LIFR: variants seen among roughly 807,000 people sequenced by gnomAD.
LIFR encodes LIF receptor subunit alpha.
LIFR carries 84 observed loss-of-function variants against 122.2 expected under a neutral mutation model. The observed-to-expected ratio is 0.69, with a 90% CI of 0.58 to 0.82. The LOEUF is 0.82. Ranked by LOEUF, LIFR falls within the 40% of genes least tolerant of loss-of-function variation. LIFR has a pLI of 0.00. For synonymous variants in LIFR, 422 were observed against 434.7 expected (o/e 0.97, Z 0.36); for missense variants, 1,294 against 1,311.6 (o/e 0.99, Z 0.21).
chr5:38,535,852 C>A (rs574841042), intron 1 of LIFR, among the ~76,000 whole-genome samples: 1 of 152,292 alleles, frequency 6.6e-6, no homozygotes, highest in Non-Finnish European at 1.5e-5. Context: ...ACACTAGGAA[C>A]CCAAGTTAAA....
chr5:38,546,050 T>C (rs1465025729), intron 1 of LIFR, among the ~76,000 whole-genome samples: 1 of 152,134 alleles, frequency 6.6e-6, no homozygotes, highest in Non-Finnish European at 1.5e-5. Flanking sequence ...AATAAACCAA[T>C]TTTAAGGGAA....
Position 38,517,848 on chromosome 5 carries a change from C to T in LIFR, c.561+5571G>A, listed in dbSNP as rs1377880333. 1.5e-4 allele frequency among the ~76,000 whole-genome samples: 5 copies of T among 33,364 alleles called. No homozygotes were observed. The East Asian group carries it at 7.8e-3, about 52-fold the overall frequency. 21.9% of individuals were successfully genotyped at this position (33,364 alleles called of 152,430 possible). A position where few individuals can be genotyped will look rare whatever the true frequency, so the allele number is the denominator to read the frequency against. On this transcript the variant is annotated intron_variant, in intron 5 of 19. Coordinates refer to ENST00000453190, the MANE Select transcript of LIFR (RefSeq NM_001127671.2). Reference sequence around the variant, plus strand: ...CTCCAGCATGTGCAACAGAGCAAGACACTGTCTCAAAAAAAAAAAAAAAAA... The same window carrying T: ...CTCCAGCATGTGCAACAGAGCAAGATACTGTCTCAAAAAAAAAAAAAAAAA...
intron 1 of LIFR, among the ~76,000 whole-genome samples, chr5:38,592,053 A>C (rs73749292): frequency 0.047 from 7,077 of 152,156 alleles, 547 homozygotes; most frequent in African/African-American, 0.16. Context: ...ACTCCACTCC[A>C]TGCTGACTCT....
chr5:38,580,258 G>A lies in LIFR; in HGVS notation c.-20+15003C>T, dbSNP rs1186566956. Among the ~76,000 whole-genome samples, 13 of 152,162 alleles carry A rather than the reference G, an allele frequency of 8.5e-5. No individual in the cohort carries two copies. In the East Asian group the frequency reaches 2.1e-3, roughly 25 times the overall value. ...TGATTTATGCTGCTGTGGAAGTGGA[G>A]GTTCTTGTTTCTCAAAGTCACTATG... On this transcript the variant is annotated intron_variant, in intron 1 of 19. Transcript: ENST00000263409.
intron 1 of LIFR, among the ~76,000 whole-genome samples, chr5:38,543,725 C>G (rs1747717260): frequency 6.6e-6 from 1 of 152,130 alleles, no homozygotes; most frequent in African/African-American, 2.4e-5. Context: ...TGCATTCCAG[C>G]CCACTTCTCT....
upstream of LIFR, among the ~76,000 whole-genome samples, chr5:38,560,105 A>G (rs1363054684): frequency 6.6e-6 from 1 of 152,092 alleles, no homozygotes; most frequent in Non-Finnish European, 1.5e-5. Context: ...TGTGTGATCT[A>G]ATATATATAG....
At chr5:38,597,874 G>T (rs192948782), upstream of LIFR, among the ~76,000 whole-genome samples, 108 of 152,288 alleles carry the variant, frequency 7.1e-4, no homozygotes, top group African/African-American at 2.4e-3. Flanking sequence ...GAGTGGGGGT[G>T]CATGGAGCAA....
chr5:38,600,230 T>C (rs903455589), upstream of LIFR, among the ~76,000 whole-genome samples: 3 of 152,206 alleles, frequency 2.0e-5, no homozygotes, highest in African/African-American at 7.2e-5. Flanking sequence ...ATGTGTTTGA[T>C]TGATGTTTCA....
intron 1 of LIFR, among the ~76,000 whole-genome samples, chr5:38,553,135 T>C (rs1049038965): frequency 3.3e-5 from 5 of 152,174 alleles, no homozygotes; most frequent in African/African-American, 1.2e-4. Context: ...CCTCTGTCCC[T>C]CAGGTATGCA....
Position 38,510,714 on chromosome 5 carries a change from T to G in LIFR, c.741A>C (p.Ile247=). The G allele has an allele frequency of 6.2e-7, 1 of 1,609,528 alleles. No homozygotes were observed. Among genetic ancestry groups the G allele is most frequent in the Non-Finnish European group, 8.5e-7 (1 of 1,176,256 alleles). Residue 247 remains isoleucine (I), a synonymous_variant, in exon 7 of 20, where the codon ATA becomes ATC. Coordinates refer to ENST00000453190, the MANE Select transcript of LIFR (RefSeq NM_001127671.2). ...GAAAAACCTTAGTCTGAGAATCAGG[T>G]ATCCCTAGAAAGAAAAAGAGGAATT... ...DWSPVKNISW[I]PDSQTKVFPQ...
Position 38,510,431 on chromosome 5 carries a change from A to G in LIFR, c.991+33T>C, listed in dbSNP as rs374238014. The G allele has an allele frequency of 5.0e-6, 8 of 1,605,532 alleles. No homozygotes were observed. In the African/African-American group the frequency reaches 9.4e-5, roughly 19 times the overall value. On this transcript the variant is annotated intron_variant, in intron 7 of 19. Coordinates refer to ENST00000453190, the MANE Select transcript of LIFR (RefSeq NM_001127671.2). ...TTTCAAGGAAGACCAAAACAGGTTA[A>G]TAGGAATTCTCTCTTTAAAATCATA... is the stretch of plus-strand genomic sequence containing the variant.
Position 38,511,881 on chromosome 5 carries a change from A to AATGG in LIFR, c.641_644dup (p.Phe217SerfsTer6). 1 of 1,614,150 alleles carries AATGG rather than the reference A, an allele frequency of 6.2e-7. No homozygotes were observed. ...TGTAGCATCTAATTTCCACAAAATG[A>AATGG]ATGGCACATTCCAAGGGCATATCTG... On this transcript the variant is annotated frameshift_variant, in exon 6 of 20. Transcript: ENST00000453190. LOFTEE classifies it high-confidence loss of function.
chr5:38,507,138 T>C (rs1474856195), intron 7 of LIFR, among the ~76,000 whole-genome samples: 1 of 152,186 alleles, frequency 6.6e-6, no homozygotes, highest in Non-Finnish European at 1.5e-5. Context: ...AAATTCTGCA[T>C]CTCAGTATAT....
intron 1 of LIFR, among the ~76,000 whole-genome samples, chr5:38,589,312 G>GT (rs1158657542): frequency 6.6e-6 from 1 of 151,844 alleles, no homozygotes. Context: ...CTTTCCCCAT[G>GT]TTTTTTTACA....
intron 2 of LIFR, among the ~76,000 whole-genome samples, chr5:38,601,997 G>A (rs1027286303): frequency 6.6e-6 from 1 of 152,080 alleles, no homozygotes; most frequent in Non-Finnish European, 1.5e-5. Context: ...ACCTTTCTCC[G>A]TGTGTGAGTC....
intron 1 of LIFR, among the ~76,000 whole-genome samples, chr5:38,577,952 G>A (rs538306686): frequency 6.6e-6 from 1 of 152,250 alleles, no homozygotes; most frequent in South Asian, 2.1e-4. Context: ...ATTCCAAGGA[G>A]GACCCTCCAT....
intron 11 of LIFR, among the ~76,000 whole-genome samples, chr5:38,500,075 A>AC (rs1380028295): frequency 6.6e-6 from 1 of 150,710 alleles, no homozygotes; most frequent in Non-Finnish European, 1.5e-5. Flanking sequence ...CATTCCCTTC[A>AC]CCCCCTCCTT....
chr5:38,479,626 A>C lies in LIFR; in HGVS notation c.*1969T>G, dbSNP rs1451007859. 1 of 230,338 alleles carries C rather than the reference A, an allele frequency of 4.3e-6. No individual in the cohort carries two copies. Among genetic ancestry groups the C allele is most frequent in the Non-Finnish European group, 8.6e-6 (1 of 116,324 alleles). 14.3% of individuals were successfully genotyped at this position (230,338 alleles called of 1,614,324 possible). On this transcript the variant is annotated 3_prime_UTR_variant, in exon 20 of 20. Coordinates refer to ENST00000453190, the MANE Select transcript of LIFR (RefSeq NM_001127671.2). Reference sequence around the variant, plus strand: ...CCACACTTATCCTTGTCCTGGAGAGATAAAGTACGGGATTGATACATTTCA... The same window carrying C: ...CCACACTTATCCTTGTCCTGGAGAGCTAAAGTACGGGATTGATACATTTCA...
intron 2 of LIFR, among the ~76,000 whole-genome samples, chr5:38,529,827 T>C (rs1188143453): frequency 1.3e-5 from 2 of 152,152 alleles, no homozygotes; most frequent in Non-Finnish European, 2.9e-5. Flanking sequence ...GAAAAACAAA[T>C]ATTACATTAA....
Sources: gnomAD v4.1 joint callset for allele counts (sites outside exome capture counted in the v4.1 genomes callset) on GRCh38, gnomAD v4.1.1 for gene constraint, MANE v1.5 for transcripts, NCBI Gene and HGNC (gene_info 2026-07-23, HGNC 2026-07-21) for gene names.